The following SCN8A variants were observed in gnomAD, a reference collection of about 807,000 sequenced individuals.
SCN8A encodes the protein sodium channel protein type 8 subunit alpha.
SCN8A carries 30 observed loss-of-function variants against 184.1 expected under a neutral mutation model. The ratio of observed to expected loss-of-function variants is 0.16; its 90% CI spans 0.12 to 0.22. The LOEUF (loss-of-function observed/expected upper bound fraction) is 0.22. Ranked by LOEUF, SCN8A falls within the 10% of genes least tolerant of loss-of-function variation. The pLI is 1.00. For missense variants in SCN8A, 1,057 were observed against 2,498.9 expected, an observed-to-expected ratio of 0.42 and a Z score of 12.30; for synonymous variants, 852 against 907.0, an observed-to-expected ratio of 0.94 and a Z score of 1.09.
intron 6 of SCN8A, among the ~76,000 whole-genome samples, chr12:51,694,272 G>A (rs934918862): frequency 9.8e-5 from 15 of 152,344 alleles, no homozygotes; most frequent in African/African-American, 3.6e-4. Context: ...AGTGGTGGAA[G>A]ACTTTGACCC....
At chr12:51,702,237 G>T (rs763007836) in intron 8 of SCN8A, among the ~76,000 whole-genome samples, 1 of 149,746 alleles carries the variant, frequency 6.7e-6, no homozygotes, top group East Asian at 2.0e-4. Flanking sequence ...CAGGAGAATC[G>T]CTTGAACCCA....
At chr12:51,738,402 T>C (rs1400773638) in intron 12 of SCN8A, among the ~76,000 whole-genome samples, 2 of 152,220 alleles carry the variant, frequency 1.3e-5, no homozygotes, top group Non-Finnish European at 2.9e-5. Context: ...CTATGTTCAG[T>C]TGAGCGGATT....
chr12:51,782,639 C>T (rs1411554102), intron 21 of SCN8A, among the ~76,000 whole-genome samples: 1 of 152,198 alleles, frequency 6.6e-6, no homozygotes, highest in Non-Finnish European at 1.5e-5. Context: ...ACCCATCTGA[C>T]GCTTGTTACT....
At chr12:51,733,015 C>T (rs1302494926) in intron 12 of SCN8A, among the ~76,000 whole-genome samples, 2 of 152,112 alleles carry the variant, frequency 1.3e-5, no homozygotes. Context: ...GATAATTTGA[C>T]TTCTTCCTTT....
chr12:51,610,434 G>T lies in SCN8A; in HGVS notation c.-55+19075G>T, dbSNP rs539073576. Among the ~76,000 whole-genome samples the T allele has an allele frequency of 2.6e-5, 4 of 152,012 alleles. No homozygotes were observed. In the East Asian group the frequency reaches 7.7e-4, roughly 29 times the overall value. On this transcript the variant is annotated intron_variant, in intron 1 of 26. Coordinates refer to ENST00000627620, the MANE Select transcript of SCN8A (RefSeq NM_001330260.2). ...CGTGCATTTGTTGCCTGTGTACTTT[G>T]GTTTTTTTGTTTTTTGTTTTTGCTT...
intron 3 of SCN8A, among the ~76,000 whole-genome samples, chr12:51,684,929 T>A (rs1941395164): frequency 6.6e-6 from 1 of 152,174 alleles, no homozygotes; most frequent in Non-Finnish European, 1.5e-5. Flanking sequence ...AAAAATTATT[T>A]GATGGATTTA....
At chr12:51,750,875 C>A (rs1287414163) in intron 13 of SCN8A, among the ~76,000 whole-genome samples, 1 of 152,074 alleles carries the variant, frequency 6.6e-6, no homozygotes, top group Non-Finnish European at 1.5e-5. Flanking sequence ...AATAGAATAC[C>A]TACCATTTAT....
intron 20 of SCN8A, among the ~76,000 whole-genome samples, chr12:51,776,937 C>T (rs139557473): frequency 0.01 from 1,536 of 152,268 alleles, 13 homozygotes; most frequent in Non-Finnish European, 0.015. Context: ...AAGGTTAATT[C>T]CTTTTATTTA....
At chr12:51,767,829 C>T (rs1488201021) in intron 16 of SCN8A, among the ~76,000 whole-genome samples, 1 of 152,232 alleles carries the variant, frequency 6.6e-6, no homozygotes, top group Non-Finnish European at 1.5e-5. Flanking sequence ...CCCTTCCCCT[C>T]TGTATGTAGT....
chr12:51,752,661 C>G (rs887061721), intron 14 of SCN8A, among the ~76,000 whole-genome samples: 5 of 152,082 alleles, frequency 3.3e-5, no homozygotes, highest in African/African-American at 1.2e-4. Context: ...TGTGTGCAGT[C>G]CAGTGGAATG....
intron 1 of SCN8A, among the ~76,000 whole-genome samples, chr12:51,621,494 A>G (rs1037054583): frequency 1.3e-5 from 2 of 152,246 alleles, no homozygotes; most frequent in Non-Finnish European, 2.9e-5. Context: ...TGGGATGGGT[A>G]TCAGATGTTA....
At chr12:51,718,305 C>A (rs1252642954) in intron 11 of SCN8A, among the ~76,000 whole-genome samples, 1 of 151,930 alleles carries the variant, frequency 6.6e-6, no homozygotes, top group Non-Finnish European at 1.5e-5. Flanking sequence ...AACATACAGA[C>A]CCCATCTCTA....
intron 1 of SCN8A, among the ~76,000 whole-genome samples, chr12:51,592,964 T>A (rs10431537): frequency 0.76 from 114,515 of 150,858 alleles, 44,181 homozygotes; most frequent in East Asian, 0.86. Context: ...TCAAAAAAAA[T>A]TTTTTTTTTG....
Position 51,806,817 on chromosome 12 carries a change from A to G in SCN8A, c.5331A>G (p.Ala1777=), listed in dbSNP as rs1191320819. Residue 1777 remains alanine (A), a synonymous_variant, in exon 27 of 27, where the codon GCA becomes GCG. Transcript: ENST00000627620. This position sits in a 1 kb window ranked among gnomAD's most constrained non-coding sequence, Gnocchi z 8.7. ...TCAGTGTAGCCACAGAGGAAAGTGC[A>G]GACCCTCTGAGTGAGGATGACTTTG... ...ENFSVATEES[A]DPLSEDDFET... is the part of the protein sequence containing the mutation. 6.2e-7 allele frequency: 1 copy of G among 1,614,256 alleles called. No homozygotes were observed. The highest frequency in any genetic ancestry group is 2.2e-5 in the East Asian group (1 of 44,884).
chr12:51,677,590 C>G (rs996002686), intron 2 of SCN8A, among the ~76,000 whole-genome samples: 4 of 152,126 alleles, frequency 2.6e-5, no homozygotes, highest in Non-Finnish European at 5.9e-5. Flanking sequence ...GTTCCTTCCC[C>G]TAATAGTGGG....
chr12:51,630,691 TC>T (rs1436255959), intron 1 of SCN8A, among the ~76,000 whole-genome samples: 3 of 152,104 alleles, frequency 2.0e-5, no homozygotes, highest in Non-Finnish European at 2.9e-5. Flanking sequence ...AAGTGACACT[TC>T]CTCTCCTCAC....
Position 51,706,653 on chromosome 12 carries a change from A to G in SCN8A, c.1573A>G (p.Arg525Gly). The G allele has an allele frequency of 6.2e-7, 1 of 1,606,032 alleles. No homozygotes were observed. The highest frequency in any genetic ancestry group is 8.5e-7 in the Non-Finnish European group (1 of 1,176,488). The change falls in exon 11 of 27, where the codon AGA becomes GGA. Residue 525 changes from arginine (R) to glycine (G), a missense_variant. Physicochemically the swap from Arg to Gly is moderately radical, Grantham distance 125. Around this residue, in one of 19 missense-constraint regions of SCN8A, gnomAD observed 322 missense variants for 390.1 expected, o/e 0.83. Coordinates refer to ENST00000627620, the MANE Select transcript of SCN8A (RefSeq NM_001330260.2). ...TAAGTCAGAGTCAGAAGATGGCATG[A>G]GAAGGAAGGCCTTTCGGCTGCCAGA... The part of the protein sequence containing the change: ...VFKSESEDGM[R>G]RKAFRLPDNR...
chr12:51,721,107 AATATTTATTTATTGT>A (rs1471277837), intron 11 of SCN8A, among the ~76,000 whole-genome samples: 4,077 of 101,452 alleles, frequency 0.04, 94 homozygotes, highest in Non-Finnish European at 0.049. Flanking sequence ...ATATATATAT[AATATTTATTTATTGT>A]TATATATATA....
At position 51,779,850 on chromosome 12, in the gene SCN8A, C is replaced by G. The variant is rs565621358; in HGVS notation, c.3820-799C>G. Reference sequence around the variant, plus strand: ...TAAGGAAAAGTGTGGATTCAGTTGTCCAGACTCACCCAAGTTCTTGTGGCC... The same window carrying G: ...TAAGGAAAAGTGTGGATTCAGTTGTGCAGACTCACCCAAGTTCTTGTGGCC... On this transcript the variant is annotated intron_variant, in intron 20 of 26. Transcript: ENST00000627620. Among the ~76,000 whole-genome samples, 22 of 152,218 alleles carry G rather than the reference C, an allele frequency of 1.4e-4. No individual in the cohort carries two copies. In the South Asian group the frequency reaches 3.9e-3, roughly 27 times the overall value.
Sources: allele counts gnomAD v4.1 joint callset (sites outside exome capture counted in the v4.1 genomes callset), GRCh38; gene constraint gnomAD v4.1.1; regional missense constraint gnomAD v4.1.1; non-coding constraint Gnocchi (gnomAD v3.1); transcripts MANE v1.5; gene names NCBI Gene and HGNC (gene_info 2026-07-23, HGNC 2026-07-21).